The following CCDC181 variants were observed in gnomAD, a reference collection of about 807,000 sequenced individuals.
The protein encoded by CCDC181 is coiled-coil domain-containing protein 181.
Under a neutral mutation model 58.7 loss-of-function variants are expected in CCDC181, and 35 were observed. The ratio of observed to expected loss-of-function variants is 0.60; its 90% CI spans 0.46 to 0.79. The LOEUF (loss-of-function observed/expected upper bound fraction) is 0.79, where lower values mean the gene tolerates loss of function less well. CCDC181 is among the 30% of genes least tolerant of loss of function. The probability of loss-of-function intolerance (pLI) is 0.00; values close to 1 mark genes in which losing one functional copy is unlikely to be tolerated. For synonymous variants in CCDC181, 183 were observed against 197.5 expected, an observed-to-expected ratio of 0.93 and a Z score of 0.62; for missense variants, 517 against 583.9, an observed-to-expected ratio of 0.89 and a Z score of 1.18.
intron 5 of CCDC181, 56 bp downstream of exon 5, chr1:169,397,181 C>A (rs772005152): frequency 9.1e-6 from 13 of 1,422,986 alleles, no homozygotes; most frequent in East Asian, 4.9e-5. Context: ...GATGATATAA[C>A]TTTTAAAATG....
At chr1:169,408,951 G>A (rs1408134077) in intron 4 of CCDC181, among the ~76,000 whole-genome samples, 1 of 152,214 alleles carries the variant, frequency 6.6e-6, no homozygotes, top group Non-Finnish European at 1.5e-5. Flanking sequence ...CAAAAAGGCT[G>A]AAAATTCCAA....
At chr1:169,413,430 T>C (rs977697311) in intron 4 of CCDC181, among the ~76,000 whole-genome samples, 1 of 152,102 alleles carries the variant, frequency 6.6e-6, no homozygotes, top group South Asian at 2.1e-4. Flanking sequence ...GGAGTGTAAA[T>C]TAGTTCAACC....
chr1:169,397,435 C>G, intron 4 of CCDC181, 44 bp from the exon 5 acceptor site: 1 of 1,523,328 alleles, frequency 6.6e-7, no homozygotes, highest in South Asian at 1.3e-5. Context: ...TAAACAAGAA[C>G]TACATTTTGA....
rs367990922 is a variant in CCDC181 at position 169,422,233 on chromosome 1, A to C, written c.198T>G (p.Ser66=). ...CATCCTGCAAAGATTTGTCAGGATC[A>C]GAATGCCGTTTGGTGTGCTCCATTA... is the stretch of plus-strand genomic sequence containing the variant. ...ETVMEHTKRH[S]DPDKSLQDEV... The change falls in exon 3 of 6, where the codon TCT becomes TCG. Residue 66 remains serine, a synonymous_variant. Transcript: ENST00000367806. The C allele has an allele frequency of 1.9e-6, 3 of 1,613,320 alleles. No homozygotes were observed. Among genetic ancestry groups the C allele is most frequent in the Non-Finnish European group, 2.5e-6 (3 of 1,179,478 alleles).
At chr1:169,424,750 C>T in intron 2 of CCDC181, 61 bp downstream of exon 2, 1 of 948,992 alleles carries the variant, frequency 1.1e-6, no homozygotes, top group African/African-American at 1.6e-5. Context: ...ATGTGAAAAC[C>T]TTAAAGAATT....
chr1:169,433,129 A>G (rs997286547), intron 2 of CCDC181, among the ~76,000 whole-genome samples: 3 of 152,090 alleles, frequency 2.0e-5, no homozygotes, highest in Non-Finnish European at 2.9e-5. Context: ...GAATTAATAC[A>G]TTCAGCAAAA....
Position 169,459,025 on chromosome 1 carries a change from G to A in CCDC181, c.-24+772C>T, listed in dbSNP as rs768965707. Among the ~76,000 whole-genome samples the A allele has an allele frequency of 1.1e-4, 16 of 151,448 alleles. No homozygotes were observed. The East Asian group carries it at 1.3e-3, about 13-fold the overall frequency. ...AATATTAAAATAATTATTCATTCTC[G>A]TTTGTACAGCAGTGAGTAAAAAATA... is the stretch of plus-strand genomic sequence containing the variant. On this transcript the variant is annotated intron_variant, in intron 2 of 6. Coordinates refer to the CCDC181 transcript ENST00000545005.
intron 4 of CCDC181, among the ~76,000 whole-genome samples, chr1:169,401,167 G>A (rs61807018): frequency 0.12 from 17,926 of 152,216 alleles, 1,116 homozygotes; most frequent in Admixed American, 0.14. Context: ...CAACTGGGTG[G>A]AGCTGACCAC....
upstream of CCDC181, among the ~76,000 whole-genome samples, chr1:169,428,383 A>G (rs1276911218): frequency 6.6e-6 from 1 of 152,146 alleles, no homozygotes; most frequent in African/African-American, 2.4e-5. Context: ...ATGGATGTAG[A>G]GTTGTAGAGT....
In CCDC181 at chr1:169,395,075, G is replaced by A. The variant is rs781230083; in HGVS notation, c.1502C>T (p.Pro501Leu). The change falls in exon 6 of 6, where the codon CCT (proline) becomes CTT (leucine). Residue 501 changes from proline (P) to leucine (L), a missense_variant. Transcript: ENST00000367806. Reference protein sequence around the residue: ...QHHLYMSEAKPFRFTDHYN With the variant: ...QHHLYMSEAKLFRFTDHYN ...GTTATAATGATCAGTAAAACGAAAA[G>A]GTTTGGCTTCTGACATATATAGGTG... The A allele has an allele frequency of 8.1e-6, 13 of 1,606,414 alleles. No homozygotes were observed. The highest frequency in any genetic ancestry group is 1.0e-5 in the Non-Finnish European group (12 of 1,177,184).
At chr1:169,459,412 C>T (rs1283646697) in intron 2 of CCDC181, among the ~76,000 whole-genome samples, 1 of 152,106 alleles carries the variant, frequency 6.6e-6, no homozygotes, top group East Asian at 1.9e-4. Flanking sequence ...GCACCTTAGC[C>T]CCGGTCCAGA....
At chr1:169,441,155 G>C (rs995989198) in intron 2 of CCDC181, among the ~76,000 whole-genome samples, 10 of 151,980 alleles carry the variant, frequency 6.6e-5, no homozygotes. Flanking sequence ...AGGCATTTCT[G>C]TACACTTAGT....
chr1:169,434,721 G>T (rs888759613), intron 2 of CCDC181, among the ~76,000 whole-genome samples: 4 of 152,006 alleles, frequency 2.6e-5, no homozygotes, highest in Admixed American at 1.3e-4. Context: ...ATATTCAATA[G>T]TGAAGGACTG....
At chr1:169,446,321 G>A (rs920552524) in intron 2 of CCDC181, among the ~76,000 whole-genome samples, 3 of 152,102 alleles carry the variant, frequency 2.0e-5, no homozygotes, top group East Asian at 3.9e-4. Flanking sequence ...GTGCACGCCT[G>A]TAGTCCCAGC....
intron 4 of CCDC181, among the ~76,000 whole-genome samples, chr1:169,411,343 A>C (rs1571478177): frequency 6.6e-6 from 1 of 152,206 alleles, no homozygotes; most frequent in East Asian, 1.9e-4. Flanking sequence ...ACCAGAAATA[A>C]GTCAAATCTC....
At chr1:169,404,940 T>G (rs1655568421) in intron 4 of CCDC181, among the ~76,000 whole-genome samples, 1 of 152,226 alleles carries the variant, frequency 6.6e-6, no homozygotes, top group East Asian at 1.9e-4. Context: ...CTCCTTAAGC[T>G]GATAAGCAAC....
At chr1:169,444,005 A>G (rs1485034135) in intron 2 of CCDC181, among the ~76,000 whole-genome samples, 1 of 152,196 alleles carries the variant, frequency 6.6e-6, no homozygotes, top group Non-Finnish European at 1.5e-5. Context: ...GGTTAAATTT[A>G]TACTCAACTT....
chr1:169,403,624 C>T (rs1235432108), intron 4 of CCDC181, among the ~76,000 whole-genome samples: 1 of 152,144 alleles, frequency 6.6e-6, no homozygotes, highest in African/African-American at 2.4e-5. Context: ...AGAACAAAGA[C>T]ACAACATACA....
Position 169,417,507 on chromosome 1 carries a change from C to A in CCDC181, c.1215+1506G>T, listed in dbSNP as rs111234772. On this transcript the variant is annotated intron_variant, in intron 4 of 5. Coordinates refer to ENST00000367806, the MANE Select transcript of CCDC181 (RefSeq NM_001300969.2). ...GCCCTCTTGGGGGCACACCACCCCC[C>A]CAACACCACATTTCCCATACCCTAG... 6.8e-3 allele frequency among the ~76,000 whole-genome samples: 1,038 copies of A among 152,208 alleles called. 15 individuals are homozygous for A. The highest frequency in any genetic ancestry group is 0.019 in the African/African-American group (808 of 41,516).
Sources: allele counts gnomAD v4.1 joint callset (sites outside exome capture counted in the v4.1 genomes callset), GRCh38; gene constraint gnomAD v4.1.1; transcripts MANE v1.5; gene names NCBI Gene and HGNC (gene_info 2026-07-23, HGNC 2026-07-21).